The following PMS2 variants were observed in gnomAD, a reference collection of about 807,000 sequenced individuals.
The protein encoded by PMS2 is mismatch repair endonuclease PMS2.
A neutral mutation model predicts 90.0 loss-of-function variants in PMS2; 69 were observed. The ratio of observed to expected loss-of-function variants is 0.77; its 90% CI spans 0.63 to 0.94. The LOEUF is 0.94. Ranked by LOEUF, PMS2 falls within the 40% of genes least tolerant of loss-of-function variation. PMS2 has a pLI of 0.00. For missense variants in PMS2, 966 were observed against 1,040.2 expected, an observed-to-expected ratio of 0.93 and a Z score of 0.98; for synonymous variants, 332 against 375.1, an observed-to-expected ratio of 0.89 and a Z score of 1.33.
chr7:5,999,704 G>T (rs1471710782), intron 5 of PMS2, among the ~76,000 whole-genome samples: 2 of 152,160 alleles, frequency 1.3e-5, no homozygotes, highest in Non-Finnish European at 2.9e-5. Context: ...GCTGAGGTGG[G>T]AGGATCGCTT....
At chr7:5,998,818 C>T (rs943018304) in intron 6 of PMS2, among the ~76,000 whole-genome samples, 1 of 151,816 alleles carries the variant, frequency 6.6e-6, no homozygotes, top group Non-Finnish European at 1.5e-5. Context: ...GGTGAAACCC[C>T]GTCTCTACTA....
rs371682056 is a variant in PMS2 at position 6,003,996 on chromosome 7, C to G, written c.226G>C (p.Glu76Gln). 1.2e-5 allele frequency: 19 copies of G among 1,603,834 alleles called. No individual in the cohort carries two copies. The Admixed American group carries it at 2.5e-4, about 21-fold the overall frequency. The change falls in exon 3 of 15, where the codon GAA becomes CAA. Residue 76 changes from glutamate to glutamine, a missense_variant. This residue lies in a region of PMS2 where 871 missense variants were observed against 802.4 expected (regional missense o/e 1.09). Coordinates refer to ENST00000265849, the MANE Select transcript of PMS2 (RefSeq NM_000535.7). ...CTTAAGCCTTCGAAGTTTTCTTCTT[C>G]TACCCCACATCCATTGTCTGAAACT... The part of the protein sequence containing the change: ...IEVSDNGCGV[E>Q]EENFEGLTLK...
At chr7:5,987,692 A>C (rs1783201755) in intron 10 of PMS2, 72 bp from the exon 11 acceptor site, 1 of 944,138 alleles carries the variant, frequency 1.1e-6, no homozygotes, top group African/African-American at 1.6e-5. Flanking sequence ...TTATGTGAAC[A>C]GATACTTCAC....
In PMS2 at chr7:5,993,328, G is replaced by C. The variant is rs925356704; in HGVS notation, c.904-1271C>G. On this transcript the variant is annotated intron_variant, in intron 8 of 14. Transcript: ENST00000265849. Reference sequence around the variant, plus strand: ...AGAGCTTGCAGTGAGCCAAGATCACGTCACTGCACTCTAGCCTGGGCGACA... The same window carrying C: ...AGAGCTTGCAGTGAGCCAAGATCACCTCACTGCACTCTAGCCTGGGCGACA... Among the ~76,000 whole-genome samples, 5 of 128,938 alleles carry C rather than the reference G, an allele frequency of 3.9e-5. No homozygotes were observed. In the East Asian group the frequency reaches 1.1e-3, roughly 28 times the overall value. The allele number at this position is 128,938 out of a possible 152,430, so 84.6% of individuals were successfully genotyped here. A position where few individuals can be genotyped will look rare whatever the true frequency, so the allele number is the denominator to read the frequency against.
At chr7:5,987,829 G>A (rs866021320) in intron 10 of PMS2, among the ~76,000 whole-genome samples, 1 of 152,002 alleles carries the variant, frequency 6.6e-6, no homozygotes, top group Non-Finnish European at 1.5e-5. Flanking sequence ...CCAAGGCAGG[G>A]GGATCACATG....
At chr7:6,007,475 T>A (rs1245810792) in intron 1 of PMS2, among the ~76,000 whole-genome samples, 1 of 152,132 alleles carries the variant, frequency 6.6e-6, no homozygotes, top group East Asian at 1.9e-4. Context: ...GACACTACAG[T>A]GTATAAGCAG....
In PMS2 at chr7:5,987,015, TTTC is replaced by T. The variant is rs1782990800; in HGVS notation, c.1747_1749del (p.Glu583del). ...TGACAAATGTCAGAACTGGAAAGAA[TTTC>T]TTCTTTTTTAAAACGCTTTGTGTTT... On this transcript the variant is annotated inframe_deletion, in exon 11 of 15. Coordinates refer to ENST00000265849, the MANE Select transcript of PMS2 (RefSeq NM_000535.7). 1.2e-6 allele frequency: 2 copies of T among 1,614,074 alleles called. No individual in the cohort carries two copies. The highest frequency in any genetic ancestry group is 1.7e-6 in the Non-Finnish European group (2 of 1,180,040).
intron 8 of PMS2, among the ~76,000 whole-genome samples, chr7:5,993,290 G>C (rs147021356): frequency 0.014 from 2,010 of 140,184 alleles, 19 homozygotes; most frequent in Middle Eastern, 0.059. Context: ...AGAATTGCTT[G>C]AACCTGGGAG....
intron 10 of PMS2, 147 bp downstream of exon 10, chr7:5,989,653 C>T (rs1783490827): frequency 1.5e-5 from 9 of 598,554 alleles, no homozygotes; most frequent in Non-Finnish European, 2.3e-5. Context: ...GGTGACAGAG[C>T]AAGTCCCTGT....
At position 5,996,571 on chromosome 7, in the gene PMS2, C is replaced by G. The variant is rs1405716677; in HGVS notation, c.803+755G>C. Among the ~76,000 whole-genome samples the G allele has an allele frequency of 3.7e-4, 23 of 62,312 alleles. No individual in the cohort carries two copies. In the South Asian group the frequency reaches 9.6e-3, roughly 26 times the overall value. 40.9% of individuals were successfully genotyped at this position (62,312 alleles called of 152,430 possible). On this transcript the variant is annotated intron_variant, in intron 7 of 14. Transcript: ENST00000265849. The stretch of plus-strand genomic sequence containing the variant: ...TAGGCAACAAAGCAAGACTCCATCT[C>G]AAAGCTAAAAAAAAAAAAAATATAT...
At position 5,978,961 on chromosome 7, in the gene PMS2, G is replaced by A. The variant is rs80044764; in HGVS notation, c.2175-265C>T. Reference sequence around the variant, plus strand: ...TGTAATCTCAGCACTTTAGGAGCCCGAGGCAGGCAGATCTCTTGAGGCCAG... The same window carrying A: ...TGTAATCTCAGCACTTTAGGAGCCCAAGGCAGGCAGATCTCTTGAGGCCAG... On this transcript the variant is annotated intron_variant, in intron 12 of 14. Transcript: ENST00000265849. Among the ~76,000 whole-genome samples the A allele has an allele frequency of 6.4e-3, 960 of 148,940 alleles. 64 individuals carry two copies. The East Asian group carries it at 0.14, about 22-fold the overall frequency.
rs2128731402 is a variant in PMS2 at position 5,987,360 on chromosome 7, T to G, written c.1405A>C (p.Arg469=). 1 of 1,614,210 alleles carries G rather than the reference T, an allele frequency of 6.2e-7. No homozygotes were observed. Among genetic ancestry groups the G allele is most frequent in the East Asian group, 2.2e-5 (1 of 44,892 alleles). The change falls in exon 11 of 15, where the codon AGA becomes CGA. Residue 469 remains arginine (R), a synonymous_variant. Coordinates refer to ENST00000265849, the MANE Select transcript of PMS2 (RefSeq NM_000535.7). ...SGAISDKGVL[R]PQKEAVSSSH... Reference sequence around the variant, plus strand: ...GAACTCACTGCCTCTTTCTGAGGTCTCAGGACGCCTTTGTCAGAGATGGCA... The same window carrying G: ...GAACTCACTGCCTCTTTCTGAGGTCGCAGGACGCCTTTGTCAGAGATGGCA...
At position 5,994,209 on chromosome 7, in the gene PMS2, G is replaced by A. The variant is rs61403633; in HGVS notation, c.903+1325C>T. Among the ~76,000 whole-genome samples the A allele has an allele frequency of 1.7e-3, 258 of 151,302 alleles. 1 individual carries two copies. The highest frequency in any genetic ancestry group is 6.1e-3 in the African/African-American group (253 of 41,248). On this transcript the variant is annotated intron_variant, in intron 8 of 14. Transcript: ENST00000265849. ...CATCCTGGCCACATGGTGAAATTCC[G>A]TCTCTACTAAAGACACAAAAACTTA...
At chr7:6,009,066 G>A (rs1562712634), upstream of PMS2, 5 of 1,607,396 alleles carry the variant, frequency 3.1e-6, no homozygotes, top group South Asian at 1.1e-5. Context: ...GTTCCCTCCA[G>A]GGCTCCCACA....
intron 1 of PMS2, among the ~76,000 whole-genome samples, chr7:6,007,063 C>A (rs1785856731): frequency 6.6e-6 from 1 of 151,098 alleles, no homozygotes; most frequent in East Asian, 2.0e-4. Flanking sequence ...TCTCTCTAAT[C>A]CTTTCCCTTC....
intron 5 of PMS2, among the ~76,000 whole-genome samples, chr7:5,999,545 C>T (rs1170494470): frequency 6.6e-6 from 1 of 152,094 alleles, no homozygotes; most frequent in Non-Finnish European, 1.5e-5. Flanking sequence ...ATCCCAGCTA[C>T]TCAGGAGGCT....
intron 12 of PMS2, among the ~76,000 whole-genome samples, chr7:5,979,486 T>C (rs1419911276): frequency 1.3e-5 from 2 of 150,022 alleles, no homozygotes; most frequent in Non-Finnish European, 3.0e-5. Flanking sequence ...ATCCTTTCCT[T>C]AAGGATAACA....
At position 5,981,410 on chromosome 7, in the gene PMS2, A is replaced by C. The variant is rs556403275; in HGVS notation, c.2174+1414T>G. On this transcript the variant is annotated intron_variant, in intron 12 of 14. Coordinates refer to ENST00000265849, the MANE Select transcript of PMS2 (RefSeq NM_000535.7). ...CAGGCACACACCATCAAGTCTGACT[A>C]ATTTTTTACATTTGTTGTAGAGACA... Among the ~76,000 whole-genome samples the C allele has an allele frequency of 4.0e-4, 60 of 149,552 alleles. 3 individuals are homozygous for C. The highest frequency in any genetic ancestry group is 1.5e-3 in the African/African-American group (60 of 40,732).
At chr7:5,988,822 CAG>C in intron 10 of PMS2, among the ~76,000 whole-genome samples, 1 of 152,158 alleles carries the variant, frequency 6.6e-6, no homozygotes, top group East Asian at 1.9e-4. Flanking sequence ...AAATTAAAAA[CAG>C]ATTAAACTAT....
Sources: gnomAD v4.1 joint callset for allele counts (sites outside exome capture counted in the v4.1 genomes callset) on GRCh38, gnomAD v4.1.1 for gene constraint, gnomAD v4.1.1 regional missense constraint, MANE v1.5 for transcripts, NCBI Gene and HGNC (gene_info 2026-07-23, HGNC 2026-07-21) for gene names.